Variants in FRMD6 observed in about 807,000 individuals in gnomAD.
FRMD6 encodes the protein FERM domain-containing protein 6.
FRMD6 carries 37 observed loss-of-function variants against 73.2 expected under a neutral mutation model. The ratio of observed to expected loss-of-function variants is 0.51; its 90% CI spans 0.39 to 0.66. FRMD6 has a LOEUF of 0.66. Among genes scored for constraint, FRMD6 ranks in the 30% least tolerant of loss-of-function variants. The pLI is 0.00. For missense variants in FRMD6, 714 were observed against 780.5 expected, an observed-to-expected ratio of 0.91 and a Z score of 1.02; for synonymous variants, 273 against 282.2, an observed-to-expected ratio of 0.97 and a Z score of 0.33.
the FRMD6 span, among the ~76,000 whole-genome samples, chr14:51,407,351 T>G: frequency 6.6e-6 from 1 of 151,972 alleles, no homozygotes; most frequent in Non-Finnish European, 1.5e-5. Context: ...ATGGAAGGTA[T>G]TCCTCTTTTT....
chr14:51,628,208 AG>A (rs1594623382), intron 2 of FRMD6, among the ~76,000 whole-genome samples: 1 of 152,218 alleles, frequency 6.6e-6, no homozygotes, highest in Non-Finnish European at 1.5e-5. Flanking sequence ...TATTTCTAAG[AG>A]TACAATCTAT....
At chr14:51,534,074 T>C (rs936355758) in intron 1 of FRMD6, among the ~76,000 whole-genome samples, 8 of 152,222 alleles carry the variant, frequency 5.3e-5, no homozygotes, top group African/African-American at 1.9e-4. Context: ...GCCAGTGCCT[T>C]GCACAACCAA....
At chr14:51,413,572 G>A in the FRMD6 span, among the ~76,000 whole-genome samples, 1 of 152,254 alleles carries the variant, frequency 6.6e-6, no homozygotes, top group Non-Finnish European at 1.5e-5. Context: ...ATGGACATTT[G>A]GGTTGGTTCC....
chr14:51,473,977 G>C, the FRMD6 span, among the ~76,000 whole-genome samples: 1 of 152,084 alleles, frequency 6.6e-6, no homozygotes, highest in Non-Finnish European at 1.5e-5. Flanking sequence ...TATTGAGCAC[G>C]TATCACATTA....
intron 2 of FRMD6, among the ~76,000 whole-genome samples, chr14:51,615,758 T>G (rs896218068): frequency 2.0e-5 from 3 of 152,160 alleles, no homozygotes; most frequent in Admixed American, 6.5e-5. Context: ...AGAGTCATGA[T>G]CCACCCAGTG....
chr14:51,646,377 C>CATATATATATATAT (rs2140056917), intron 2 of FRMD6, among the ~76,000 whole-genome samples: 1 of 148,696 alleles, frequency 6.7e-6, no homozygotes, highest in African/African-American at 2.5e-5. Context: ...CCAAGACCTC[C>CATATATATATATAT]ATAATGTTAT....
chr14:51,708,293 G>C (rs1368766837), intron 7 of FRMD6, 60 bp downstream of exon 7: 4 of 1,469,968 alleles, frequency 2.7e-6, no homozygotes. Flanking sequence ...CAATAGGATT[G>C]AGAAGGAAAA....
intron 1 of FRMD6, among the ~76,000 whole-genome samples, chr14:51,673,358 A>G (rs1894158211): frequency 6.6e-6 from 1 of 151,870 alleles, no homozygotes; most frequent in Admixed American, 6.6e-5. Flanking sequence ...GGGTTCCCCT[A>G]CTTCCTCTTT....
intron 2 of FRMD6, among the ~76,000 whole-genome samples, chr14:51,600,424 T>A (rs369452980): frequency 6.6e-6 from 1 of 152,192 alleles, no homozygotes; most frequent in Non-Finnish European, 1.5e-5. Flanking sequence ...TGAGAAAGGC[T>A]AGAAACAGAC....
At chr14:51,712,081 C>T (rs1218800716) in intron 8 of FRMD6, among the ~76,000 whole-genome samples, 1 of 152,124 alleles carries the variant, frequency 6.6e-6, no homozygotes, top group Non-Finnish European at 1.5e-5. Context: ...TGTTATCCTG[C>T]AGCCATCAAA....
chr14:51,625,302 TCTTA>T (rs1891074736), intron 2 of FRMD6, among the ~76,000 whole-genome samples: 1 of 152,166 alleles, frequency 6.6e-6, no homozygotes, highest in Non-Finnish European at 1.5e-5. Flanking sequence ...TATATATTTT[TCTTA>T]CTTAGCAGAA....
At chr14:51,494,340 T>C (rs991573425) in intron 1 of FRMD6, among the ~76,000 whole-genome samples, 2 of 152,240 alleles carry the variant, frequency 1.3e-5, no homozygotes, top group Admixed American at 1.3e-4. Context: ...ACATGTTATA[T>C]GCTTCTATGA....
At chr14:51,464,463 A>G in the FRMD6 span, among the ~76,000 whole-genome samples, 1 of 152,200 alleles carries the variant, frequency 6.6e-6, no homozygotes, top group Non-Finnish European at 1.5e-5. Context: ...GTGGTCCCTA[A>G]CTTAGAACAG....
intron 1 of FRMD6, among the ~76,000 whole-genome samples, chr14:51,681,023 G>A (rs980902669): frequency 6.6e-6 from 1 of 152,088 alleles, no homozygotes; most frequent in African/African-American, 2.4e-5. Flanking sequence ...CTTATGATTC[G>A]ATTTCACTAA....
chr14:51,400,786 A>G, the FRMD6 span, among the ~76,000 whole-genome samples: 1 of 152,218 alleles, frequency 6.6e-6, no homozygotes, highest in East Asian at 1.9e-4. Context: ...GGGGCATTAG[A>G]CAAAAGTTTA....
intron 1 of FRMD6, among the ~76,000 whole-genome samples, chr14:51,558,705 A>G (rs1208588583): frequency 1.3e-5 from 2 of 152,202 alleles, no homozygotes; most frequent in African/African-American, 2.4e-5. Context: ...TATGAATATC[A>G]GTTACTATAT....
At chr14:51,643,130 G>C (rs1037100534) in intron 2 of FRMD6, among the ~76,000 whole-genome samples, 1 of 152,186 alleles carries the variant, frequency 6.6e-6, no homozygotes, top group Non-Finnish European at 1.5e-5. Flanking sequence ...TTTTCTTTAA[G>C]AACTTGGGCA....
chr14:51,583,757 G>T (rs886157952), intron 2 of FRMD6, among the ~76,000 whole-genome samples: 2 of 152,136 alleles, frequency 1.3e-5, no homozygotes, highest in African/African-American at 4.8e-5. Flanking sequence ...GAATTACAAT[G>T]GTGCAGCCCG....
At chr14:51,408,853 T>G in the FRMD6 span, among the ~76,000 whole-genome samples, 1 of 152,132 alleles carries the variant, frequency 6.6e-6, no homozygotes, top group Non-Finnish European at 1.5e-5. Flanking sequence ...CTTTGGCAAT[T>G]TTTTGCACAA....
Sources: gnomAD v4.1 joint callset for allele counts (sites outside exome capture counted in the v4.1 genomes callset) on GRCh38, gnomAD v4.1.1 for gene constraint, MANE v1.5 for transcripts, NCBI Gene and HGNC (gene_info 2026-07-23, HGNC 2026-07-21) for gene names.